Variants in AMZ1 observed in about 807,000 individuals in gnomAD.
AMZ1 encodes the protein archaelysin family metallopeptidase 1.
In AMZ1, 39 loss-of-function variants were observed where a neutral mutation model predicts 29.9. That is an observed-to-expected ratio of 1.30 (90% CI 1.01 to 1.70). The LOEUF is 1.70. Ranked by LOEUF, AMZ1 falls within the 40% of genes most tolerant of loss-of-function variation. The probability of loss-of-function intolerance (pLI) is 0.00; values close to 1 mark genes in which losing one functional copy is unlikely to be tolerated. For missense variants in AMZ1, 1,041 were observed against 680.6 expected, an observed-to-expected ratio of 1.53 and a Z score of -5.89; for synonymous variants, 458 against 304.0, an observed-to-expected ratio of 1.51 and a Z score of -5.27.
In AMZ1 at chr7:2,715,742, A is replaced by T. The variant is rs1789083757; in HGVS notation, c.*2864A>T. ...CCCAGGTTCTGTCTGTGCTGTGGTG[A>T]AGAGTGACTTGGGACAGTCACCAGG... On this transcript the variant is annotated 3_prime_UTR_variant, in exon 7 of 7. Transcript: ENST00000683327. The T allele has an allele frequency of 6.6e-6, 1 of 152,214 alleles. No homozygotes were observed. Among genetic ancestry groups the T allele is most frequent in the Non-Finnish European group, 1.5e-5 (1 of 68,048 alleles). The allele number at this position is 152,214 out of a possible 1,614,324, so 9.4% of individuals were successfully genotyped here.
chr7:2,712,212 C>A, intron 6 of AMZ1, 118 bp from the exon 7 acceptor site: 1 of 1,123,570 alleles, frequency 8.9e-7, no homozygotes, highest in South Asian at 1.7e-5. Context: ...CAGCCTGACT[C>A]CCGCCCCTGG....
At chr7:2,763,191 A>ACACACACACACACACACACACACAC (rs1791652924), upstream of AMZ1, 5 of 216,890 alleles carry the variant, frequency 2.3e-5, no homozygotes, top group African/African-American at 1.4e-4. Flanking sequence ...AAGACACCCC[A>ACACACACACACACACACACACACAC]ACACACACAC....
upstream of AMZ1, chr7:2,760,268 T>A (rs1332927858): frequency 6.6e-6 from 1 of 152,446 alleles, no homozygotes; most frequent in African/African-American, 2.4e-5. Flanking sequence ...CAGGCTCGCC[T>A]CCCAGCAGCG....
intron 4 of AMZ1, among the ~76,000 whole-genome samples, chr7:2,751,987 T>G (rs1791063954): frequency 6.6e-6 from 1 of 152,052 alleles, no homozygotes; most frequent in African/African-American, 2.4e-5. Context: ...AGAAATAATT[T>G]CCAACTCCTT....
intron 4 of AMZ1, among the ~76,000 whole-genome samples, chr7:2,745,861 G>A (rs932914039): frequency 1.3e-5 from 2 of 152,078 alleles, no homozygotes; most frequent in African/African-American, 4.8e-5. Context: ...AAACGCAGGG[G>A]TTGCAATCCT....
At chr7:2,702,383 G>C (rs1305509221) in intron 2 of AMZ1, 4 of 281,330 alleles carry the variant, frequency 1.4e-5, no homozygotes, top group Non-Finnish European at 2.6e-5. Flanking sequence ...AGGTGGCTCG[G>C]CTCTGTGTGC....
chr7:2,729,722 G>C (rs939025139), intron 4 of AMZ1: 5 of 152,418 alleles, frequency 3.3e-5, no homozygotes, highest in African/African-American at 1.2e-4. Flanking sequence ...AGCAACATTC[G>C]GGTGCCAATT....
At chr7:2,762,899 G>A (rs113530750), upstream of AMZ1, 1,983 of 1,423,728 alleles carry the variant, frequency 1.4e-3, 30 homozygotes, top group African/African-American at 0.025. Context: ...TGGTGCTGCG[G>A]CGGGGAGAAG....
At chr7:2,751,644 AG>A (rs1791045069) in intron 4 of AMZ1, among the ~76,000 whole-genome samples, 2 of 152,370 alleles carry the variant, frequency 1.3e-5, no homozygotes, top group South Asian at 4.1e-4. Context: ...ATTAAGAAAA[AG>A]AAAAAACAAA....
intron 4 of AMZ1, chr7:2,728,496 T>C (rs1328444329): frequency 2.0e-5 from 3 of 152,392 alleles, no homozygotes; most frequent in Non-Finnish European, 4.4e-5. Flanking sequence ...GAGTTAAAAA[T>C]AGATTTCAGT....
intron 4 of AMZ1, among the ~76,000 whole-genome samples, chr7:2,749,738 C>T (rs1162843385): frequency 6.6e-6 from 1 of 151,700 alleles, no homozygotes; most frequent in East Asian, 1.9e-4. Context: ...AATTTTAGAA[C>T]TAAAACACAC....
intron 4 of AMZ1, among the ~76,000 whole-genome samples, chr7:2,755,048 T>G (rs968047810): frequency 6.6e-6 from 1 of 152,226 alleles, no homozygotes; most frequent in Non-Finnish European, 1.5e-5. Flanking sequence ...CCTTCTTCAC[T>G]GAGTTGCTTC....
chr7:2,690,617 T>C (rs1278739720), intron 1 of AMZ1, among the ~76,000 whole-genome samples: 1 of 152,070 alleles, frequency 6.6e-6, no homozygotes, highest in Non-Finnish European at 1.5e-5. Flanking sequence ...ATGTAGATGC[T>C]CTTGAGTTAC....
At chr7:2,679,854 C>T (rs1229451799) in intron 1 of AMZ1, among the ~76,000 whole-genome samples, 3 of 152,142 alleles carry the variant, frequency 2.0e-5, no homozygotes, top group Admixed American at 6.5e-5. Context: ...GGAGAGGTGG[C>T]GAGGGGCCAT....
In AMZ1 at chr7:2,713,321, G is replaced by C. The variant is rs928482517; in HGVS notation, c.*443G>C. Reference sequence around the variant, plus strand: ...TTCAACTCCTGAGTCCCAGCCAGCCGCTCCCAGGGGCCTGCACACATGGAG... The same window carrying C: ...TTCAACTCCTGAGTCCCAGCCAGCCCCTCCCAGGGGCCTGCACACATGGAG... On this transcript the variant is annotated 3_prime_UTR_variant, in exon 7 of 7. Transcript: ENST00000683327. The C allele has an allele frequency of 2.0e-5, 3 of 153,196 alleles. No individual in the cohort carries two copies. The highest frequency in any genetic ancestry group is 4.4e-5 in the Non-Finnish European group (3 of 68,752). 9.5% of individuals were successfully genotyped at this position (153,196 alleles called of 1,614,324 possible).
intron 4 of AMZ1, among the ~76,000 whole-genome samples, chr7:2,759,510 A>T (rs1478287016): frequency 6.6e-6 from 1 of 152,254 alleles, no homozygotes; most frequent in East Asian, 1.9e-4. Context: ...AATAGGTGGT[A>T]AAAAGACAAG....
chr7:2,721,159 G>A (rs896277188), downstream of AMZ1, among the ~76,000 whole-genome samples: 3 of 152,198 alleles, frequency 2.0e-5, no homozygotes, highest in Non-Finnish European at 4.4e-5. Flanking sequence ...CCGGGAGGAA[G>A]AGCAACCCAG....
In AMZ1 at chr7:2,717,024, G is replaced by A. The variant is rs569499422; in HGVS notation, c.*4146G>A. Among the ~76,000 whole-genome samples, 11 of 152,294 alleles carry A rather than the reference G, an allele frequency of 7.2e-5. No homozygotes were observed. The highest frequency in any genetic ancestry group is 2.2e-4 in the African/African-American group (9 of 41,572). On this transcript the variant is annotated 3_prime_UTR_variant, in exon 7 of 7. Coordinates refer to ENST00000683327, the MANE Select transcript of AMZ1 (RefSeq NM_001384743.1). ...GCAGGAAGAGAGTAAGAAGGCGCAC[G>A]GACGCGGGAGGCCTGCACCCTGATC... is the stretch of plus-strand genomic sequence containing the variant.
intron 4 of AMZ1, among the ~76,000 whole-genome samples, chr7:2,741,112 T>G (rs1299086920): frequency 6.6e-6 from 1 of 152,020 alleles, no homozygotes; most frequent in Non-Finnish European, 1.5e-5. Context: ...GATTCTTCAT[T>G]TGTATCACAG....
Sources: gnomAD v4.1 joint callset for allele counts (sites outside exome capture counted in the v4.1 genomes callset) on GRCh38, gnomAD v4.1.1 for gene constraint, MANE v1.5 for transcripts, NCBI Gene and HGNC (gene_info 2026-07-23, HGNC 2026-07-21) for gene names.